The following FRMPD4 variants were observed in gnomAD, a reference collection of about 807,000 sequenced individuals.
The protein encoded by FRMPD4 is FERM and PDZ domain containing 4.
A neutral mutation model predicts 94.1 loss-of-function variants in FRMPD4; 22 were observed. That is an observed-to-expected ratio of 0.23 (90% CI 0.17 to 0.33). The LOEUF (loss-of-function observed/expected upper bound fraction) is 0.33. Ranked by LOEUF, FRMPD4 falls within the 10% of genes least tolerant of loss-of-function variation. The pLI is 1.00. For missense variants in FRMPD4, 1,111 were observed against 1,339.9 expected, an observed-to-expected ratio of 0.83 and a Z score of 2.67; for synonymous variants, 631 against 548.6, an observed-to-expected ratio of 1.15 and a Z score of -2.10.
rs191210987 is a variant in FRMPD4 at position 12,639,028 on chromosome X, C to T, written c.422+24147C>T. The stretch of plus-strand genomic sequence containing the variant: ...TCCAGGGTTCTTCTGGTCTCCAAGT[C>T]ATCAGAAGCCCTTTTTCCTTGCCTC... On this transcript the variant is annotated intron_variant, in intron 4 of 16. Coordinates refer to ENST00000675598, the MANE Select transcript of FRMPD4 (RefSeq NM_001368397.1). Among the ~76,000 whole-genome samples, 12 of 111,917 alleles carry T rather than the reference C, an allele frequency of 1.1e-4. No homozygotes were observed. The East Asian group carries it at 3.4e-3, about 31-fold the overall frequency.
intron 13 of FRMPD4, 39 bp downstream of exon 13, chrX:12,707,690 A>G: frequency 1.9e-6 from 2 of 1,061,139 alleles, no homozygotes; most frequent in South Asian, 2.1e-5. Flanking sequence ...CTTGCTGTCA[A>G]CAGCTAATTT....
intron 1 of FRMPD4, among the ~76,000 whole-genome samples, chrX:12,281,319 AT>A (rs2054521535): frequency 8.9e-6 from 1 of 111,739 alleles, no homozygotes; most frequent in South Asian, 3.8e-4. Flanking sequence ...CATAAGTTAT[AT>A]TTTTTAAGTG....
intron 3 of FRMPD4, among the ~76,000 whole-genome samples, chrX:11,904,597 C>T (rs762670284): frequency 1.2e-4 from 13 of 112,261 alleles, no homozygotes; most frequent in African/African-American, 3.9e-4. Context: ...TCCTTGCTTT[C>T]ACCCTTCTCA....
At chrX:11,844,838 T>C (rs978653265) in intron 1 of FRMPD4, among the ~76,000 whole-genome samples, 1 of 112,165 alleles carries the variant, frequency 8.9e-6, no homozygotes, top group African/African-American at 3.2e-5. Context: ...TGCACATATT[T>C]TTACATTTGA....
chrX:12,590,581 A>C (rs12556485), intron 2 of FRMPD4, among the ~76,000 whole-genome samples: 3 of 111,026 alleles, frequency 2.7e-5, no homozygotes, highest in Non-Finnish European at 5.7e-5. Flanking sequence ...AGTATTGTTG[A>C]ATTGAACCTT....
Position 11,901,951 on chromosome X carries a change from A to G in FRMPD4, c.95+23933A>G, listed in dbSNP as rs776850915. Among the ~76,000 whole-genome samples the G allele has an allele frequency of 2.7e-5, 3 of 111,167 alleles. No individual in the cohort carries two copies. The Admixed American group carries it at 2.9e-4, about 11-fold the overall frequency. ...CCTTTGCCTGCTTCGTGATGGGATT[A>G]TTTGTTTCTTGTGGATTTGTTTGAG... On this transcript the variant is annotated intron_variant, in intron 3 of 18. Coordinates refer to the FRMPD4 transcript ENST00000640291.
intron 3 of FRMPD4, among the ~76,000 whole-genome samples, chrX:11,895,059 A>G (rs966496559): frequency 3.0e-4 from 34 of 112,289 alleles, no homozygotes; most frequent in African/African-American, 1.1e-3. Context: ...TCCAAGGACC[A>G]GAAAATATCC....
rs1270887535 is a variant in FRMPD4 at position 12,723,359 on chromosome X, C to G, written c.*1501C>G. On this transcript the variant is annotated 3_prime_UTR_variant, in exon 17 of 17. Coordinates refer to ENST00000675598, the MANE Select transcript of FRMPD4 (RefSeq NM_001368397.1). ...AGTACACCAGGTGCAAATATTTCTA[C>G]TTTTGTAGCCTGCTGAGAAGGAGTC... 1 of 111,211 alleles carries G rather than the reference C, an allele frequency of 9.0e-6. No homozygotes were observed. Among genetic ancestry groups the G allele is most frequent in the Non-Finnish European group, 1.9e-5 (1 of 53,055 alleles). 9.2% of individuals were successfully genotyped at this position (111,211 alleles called of 1,213,427 possible).
intron 3 of FRMPD4, among the ~76,000 whole-genome samples, chrX:11,972,526 T>C (rs962718191): frequency 2.7e-5 from 3 of 112,169 alleles, no homozygotes; most frequent in African/African-American, 9.7e-5. Flanking sequence ...AAAGAAATAA[T>C]AGAGAGACAG....
chrX:12,051,146 T>C (rs1224218498), intron 3 of FRMPD4, among the ~76,000 whole-genome samples: 3 of 111,940 alleles, frequency 2.7e-5, no homozygotes, highest in Non-Finnish European at 5.7e-5. Flanking sequence ...CATGTCTATG[T>C]AGTAAAAAGT....
intron 1 of FRMPD4, among the ~76,000 whole-genome samples, chrX:12,200,963 C>T (rs919311814): frequency 8.9e-6 from 1 of 112,049 alleles, no homozygotes; most frequent in Non-Finnish European, 1.9e-5. Context: ...GGAATGTAGA[C>T]AAGTATTATT....
At chrX:12,017,728 G>T (rs1392066341) in intron 3 of FRMPD4, among the ~76,000 whole-genome samples, 2 of 111,958 alleles carry the variant, frequency 1.8e-5, no homozygotes, top group Non-Finnish European at 3.8e-5. Flanking sequence ...AAATCTTGGG[G>T]TCCTTATTCT....
intron 10 of FRMPD4, among the ~76,000 whole-genome samples, chrX:12,703,882 A>G (rs2041830829): frequency 8.9e-6 from 1 of 111,811 alleles, no homozygotes; most frequent in South Asian, 3.8e-4. Flanking sequence ...GCCTAGAGAA[A>G]TAGCCATGGA....
chrX:12,280,213 C>G lies in FRMPD4; in HGVS notation c.41+141201C>G, dbSNP rs187749976. Among the ~76,000 whole-genome samples, 122 of 107,867 alleles carry G rather than the reference C, an allele frequency of 1.1e-3. 1 individual carries two copies. Among genetic ancestry groups the G allele is most frequent in the Non-Finnish European group, 2.9e-4 (15 of 52,277 alleles). 93.7% of individuals were successfully genotyped at this position (107,867 alleles called of 115,157 possible). A position where few individuals can be genotyped will look rare whatever the true frequency, so the allele number is the denominator to read the frequency against. ...ATCAGGTTTCTAGTCTAACCATTTA[C>G]TCCAAGTGCTACATATTTAGTAAGG... On this transcript the variant is annotated intron_variant, in intron 1 of 16. Transcript: ENST00000675598.
At chrX:12,188,755 C>T (rs1409343047) in intron 1 of FRMPD4, among the ~76,000 whole-genome samples, 2 of 111,486 alleles carry the variant, frequency 1.8e-5, no homozygotes, top group African/African-American at 6.5e-5. Flanking sequence ...AGACATAACC[C>T]TAACAAACAA....
rs191651754 is a variant in FRMPD4, at chrX:11,869,910, T to C, written c.-30+4694T>C. Among the ~76,000 whole-genome samples the C allele has an allele frequency of 2.8e-3, 316 of 111,660 alleles. 1 individual carries two copies. The highest frequency in any genetic ancestry group is 9.1e-3 in the African/African-American group (280 of 30,781). On this transcript the variant is annotated intron_variant, in intron 2 of 18. Transcript: ENST00000640291. The stretch of plus-strand genomic sequence containing the variant: ...TTTTGTTCAGGTCACAAAATTTCCA[T>C]TGGATATTTCTTTCCATATGTGTCA...
intron 3 of FRMPD4, among the ~76,000 whole-genome samples, chrX:12,125,638 A>C (rs959949042): frequency 3.6e-5 from 4 of 111,334 alleles, no homozygotes; most frequent in African/African-American, 1.3e-4. Context: ...AAGGCATCCA[A>C]TGCATCACTC....
intron 1 of FRMPD4, among the ~76,000 whole-genome samples, chrX:12,224,210 A>G (rs1411676058): frequency 1.8e-5 from 2 of 111,809 alleles, no homozygotes; most frequent in Admixed American, 1.9e-4. Context: ...TAGTAAGAGT[A>G]GAAATTAACT....
At chrX:11,836,016 G>T (rs1037848426) in intron 1 of FRMPD4, among the ~76,000 whole-genome samples, 1 of 111,717 alleles carries the variant, frequency 9.0e-6, no homozygotes, top group East Asian at 2.8e-4. Flanking sequence ...GCAAGCCTCA[G>T]TGGAAAGAAA....
Sources: gnomAD v4.1 joint callset for allele counts (sites outside exome capture counted in the v4.1 genomes callset) on GRCh38, gnomAD v4.1.1 for gene constraint, MANE v1.5 for transcripts, NCBI Gene and HGNC (gene_info 2026-07-23, HGNC 2026-07-21) for gene names.